The following RIN3 variants were observed in gnomAD, a reference collection of about 807,000 sequenced individuals.
The protein encoded by RIN3 is Ras and Rab interactor 3.
Under a neutral mutation model 76.3 loss-of-function variants are expected in RIN3, and 54 were observed. The ratio of observed to expected loss-of-function variants is 0.71; its 90% CI spans 0.57 to 0.89. RIN3 has a LOEUF of 0.89. Among genes scored for constraint, RIN3 ranks in the 40% least tolerant of loss-of-function variants. RIN3 has a pLI of 0.00. For synonymous variants in RIN3, 576 were observed against 564.0 expected (o/e 1.02, Z -0.30); for missense variants, 1,256 against 1,322.1 (o/e 0.95, Z 0.78).
At chr14:92,567,020 A>G (rs1352249858) in intron 2 of RIN3, among the ~76,000 whole-genome samples, 1 of 152,206 alleles carries the variant, frequency 6.6e-6, no homozygotes, top group African/African-American at 2.4e-5. Flanking sequence ...TAGTGGTCAC[A>G]AACGTGGCCT....
Position 92,652,974 on chromosome 14 carries a change from A to G in RIN3, c.1925A>G (p.Gln642Arg). Residue 642 changes from glutamine (Q) to arginine (R), a missense_variant, in exon 6 of 10, where the codon CAG becomes CGG. This residue lies in a region of RIN3 where 428 missense variants were observed against 521.2 expected (regional missense o/e 0.82). Coordinates refer to ENST00000216487, the MANE Select transcript of RIN3 (RefSeq NM_024832.5). This position sits in a 1 kb window ranked among gnomAD's most constrained non-coding sequence, Gnocchi z 6.4. The part of the protein sequence containing the change: ...ARQTSSTEML[Q>R]EIRTMMTQLK... ...CAGACCTCCAGCACGGAGATGCTGC[A>G]GGAGATTCGCACCATGATGACCCAG... The G allele has an allele frequency of 6.2e-7, 1 of 1,613,590 alleles. No individual in the cohort carries two copies. Among genetic ancestry groups the G allele is most frequent in the Non-Finnish European group, 8.5e-7 (1 of 1,180,020 alleles).
chr14:92,553,822 A>G (rs931414363), intron 1 of RIN3, among the ~76,000 whole-genome samples: 1 of 152,038 alleles, frequency 6.6e-6, no homozygotes, highest in African/African-American at 2.4e-5. Flanking sequence ...CTCAAAATTC[A>G]CAACACTGCT....
chr14:92,646,945 G>A (rs933990443), intron 5 of RIN3, among the ~76,000 whole-genome samples: 1 of 152,146 alleles, frequency 6.6e-6, no homozygotes, highest in Admixed American at 6.5e-5. Context: ...TTTCCCTAGA[G>A]CCCAGAGCCA....
chr14:92,620,251 C>T (rs551722306), intron 4 of RIN3, among the ~76,000 whole-genome samples: 9 of 152,354 alleles, frequency 5.9e-5, no homozygotes, highest in Middle Eastern at 6.8e-3. Flanking sequence ...TCTGGGTTCT[C>T]TCTCTGAGTG....
chr14:92,651,735 A>G lies in RIN3; in HGVS notation c.686A>G (p.Asn229Ser), dbSNP rs745598130. Residue 229 changes from asparagine to serine, a missense_variant, in exon 6 of 10, where the codon AAT becomes AGT. Asn to Ser is a conservative substitution (Grantham distance 46, BLOSUM62 1). Coordinates refer to ENST00000216487, the MANE Select transcript of RIN3 (RefSeq NM_024832.5). ...TGTGAAATCGAGCTGTCGGTAGGAA[A>G]TGACCGCCTGTGGTTTGTGAATCCT... ...CACEIELSVG[N>S]DRLWFVNPIF... 1 of 1,614,102 alleles carries G rather than the reference A, an allele frequency of 6.2e-7. No individual in the cohort carries two copies. The highest frequency in any genetic ancestry group is 1.7e-5 in the Admixed American group (1 of 60,020).
intron 3 of RIN3, among the ~76,000 whole-genome samples, chr14:92,612,763 G>A (rs921102705): frequency 1.3e-5 from 2 of 152,372 alleles, no homozygotes; most frequent in Non-Finnish European, 2.9e-5. Context: ...TGAGCCTTAA[G>A]CATTACTTAT....
chr14:92,561,296 C>G (rs900210138), intron 2 of RIN3, among the ~76,000 whole-genome samples: 2 of 151,202 alleles, frequency 1.3e-5, no homozygotes, highest in Non-Finnish European at 2.9e-5. Context: ...GGTGCTCAGG[C>G]TAGGGATTCA....
intron 7 of RIN3, among the ~76,000 whole-genome samples, chr14:92,666,889 C>A (rs932416664): frequency 3.9e-5 from 6 of 152,200 alleles, no homozygotes; most frequent in African/African-American, 1.4e-4. Flanking sequence ...TATGTAAACA[C>A]CCTGATACCA....
At chr14:92,639,608 G>A (rs72699855) in intron 4 of RIN3, among the ~76,000 whole-genome samples, 2 of 152,136 alleles carry the variant, frequency 1.3e-5, no homozygotes, top group Non-Finnish European at 2.9e-5. Context: ...CTTCCTGAGC[G>A]TGTGAAACAG....
At position 92,568,575 on chromosome 14, in the gene RIN3, A is replaced by T. The variant is rs1045659144; in HGVS notation, c.250-8785A>T. ...CCCTCTGATTCCAGTTGGCCAAGGC[A>T]GACCACAGACCTGGGCTCTGCCCAC... is the stretch of plus-strand genomic sequence containing the variant. On this transcript the variant is annotated intron_variant, in intron 2 of 9. Coordinates refer to ENST00000216487, the MANE Select transcript of RIN3 (RefSeq NM_024832.5). The surrounding 1 kb of genome is among the most constrained non-coding windows in gnomAD (Gnocchi z 4.2). Among the ~76,000 whole-genome samples, 1 of 152,248 alleles carries T rather than the reference A, an allele frequency of 6.6e-6. No individual in the cohort carries two copies. Among genetic ancestry groups the T allele is most frequent in the African/African-American group, 2.4e-5 (1 of 41,468 alleles).
chr14:92,540,803 A>G (rs962553496), intron 1 of RIN3, among the ~76,000 whole-genome samples: 3 of 152,220 alleles, frequency 2.0e-5, no homozygotes, highest in African/African-American at 7.2e-5. Context: ...GGTGGCAGCT[A>G]GCCAAGGGTC....
intron 3 of RIN3, among the ~76,000 whole-genome samples, chr14:92,594,754 C>T (rs998413392): frequency 2.9e-4 from 44 of 152,206 alleles, no homozygotes; most frequent in Non-Finnish European, 5.4e-4. Context: ...ACTTAACTAG[C>T]TCTGTGAACT....
chr14:92,513,876 T>C lies in RIN3; in HGVS notation c.-57T>C. On this transcript the variant is annotated 5_prime_UTR_variant, in exon 1 of 10. Transcript: ENST00000216487. ...ACATGCGGGCGCCCGGGACTCCGCG[T>C]TCCGCGCGGCCCGGCGCCTGAGCGC... 2 of 1,211,510 alleles carry C rather than the reference T, an allele frequency of 1.7e-6. No individual in the cohort carries two copies. The highest frequency in any genetic ancestry group is 1.0e-6 in the Non-Finnish European group (1 of 969,546). 75.0% of individuals were successfully genotyped at this position (1,211,510 alleles called of 1,614,324 possible).
chr14:92,529,289 C>G (rs1470851240), intron 1 of RIN3, among the ~76,000 whole-genome samples: 1 of 150,862 alleles, frequency 6.6e-6, no homozygotes, highest in East Asian at 1.9e-4. Flanking sequence ...CGCACTGTCA[C>G]CTGGGCTGGA....
At chr14:92,565,313 G>A (rs559694406) in intron 2 of RIN3, among the ~76,000 whole-genome samples, 2 of 152,292 alleles carry the variant, frequency 1.3e-5, no homozygotes, top group African/African-American at 4.8e-5. Context: ...CAGGTAGAGG[G>A]GGTCTGGGGA....
Position 92,616,823 on chromosome 14 carries a change from G to A in RIN3, c.440+1344G>A, listed in dbSNP as rs139935451. On this transcript the variant is annotated intron_variant, in intron 4 of 9. Coordinates refer to ENST00000216487, the MANE Select transcript of RIN3 (RefSeq NM_024832.5). ...GATTTAATGGGAACTTCAGGGGGTGGATACCTATGCTGTCAAGAATGTTTG... is the reference window on the plus strand; with the variant it reads ...GATTTAATGGGAACTTCAGGGGGTGAATACCTATGCTGTCAAGAATGTTTG... Among the ~76,000 whole-genome samples, 342 of 152,290 alleles carry A rather than the reference G, an allele frequency of 2.2e-3. 5 individuals are homozygous for A. The highest frequency in any genetic ancestry group is 0.016 in the Admixed American group (238 of 15,302).
intron 1 of RIN3, among the ~76,000 whole-genome samples, chr14:92,524,881 G>A (rs906867764): frequency 9.2e-5 from 14 of 152,226 alleles, no homozygotes; most frequent in African/African-American, 3.4e-4. Flanking sequence ...ATGGAATGTG[G>A]GCACATCTGC....
At chr14:92,647,560 A>G (rs1368830526) in intron 5 of RIN3, among the ~76,000 whole-genome samples, 4 of 152,198 alleles carry the variant, frequency 2.6e-5, no homozygotes, top group Non-Finnish European at 5.9e-5. Flanking sequence ...TCAGATGATG[A>G]GCATTTTCCT....
At chr14:92,615,984 C>T (rs1184507818) in intron 4 of RIN3, 4 of 151,804 alleles carry the variant, frequency 2.6e-5, no homozygotes, top group African/African-American at 1.0e-4. Flanking sequence ...AAGTCAATGA[C>T]TTAAGCTACG....
Sources: allele counts gnomAD v4.1 joint callset (sites outside exome capture counted in the v4.1 genomes callset), GRCh38; gene constraint gnomAD v4.1.1; regional missense constraint gnomAD v4.1.1; non-coding constraint Gnocchi (gnomAD v3.1); transcripts MANE v1.5; gene names NCBI Gene and HGNC (gene_info 2026-07-23, HGNC 2026-07-21).